ARFGEF3: variants seen among roughly 807,000 people sequenced by gnomAD.
ARFGEF3 encodes the protein brefeldin A-inhibited guanine nucleotide-exchange protein 3.
Under a neutral mutation model 221.7 loss-of-function variants are expected in ARFGEF3, and 96 were observed. That is an observed-to-expected ratio of 0.43 (90% CI 0.37 to 0.51). ARFGEF3 has a LOEUF of 0.51. ARFGEF3 is among the 20% of genes least tolerant of loss of function. The pLI is 0.00. For missense variants in ARFGEF3, 2,410 were observed against 2,789.9 expected, an observed-to-expected ratio of 0.86 and a Z score of 3.07; for synonymous variants, 1,145 against 1,126.8, an observed-to-expected ratio of 1.02 and a Z score of -0.32.
At position 138,334,444 on chromosome 6, in the gene ARFGEF3, C is replaced by T. The variant is rs141733973; in HGVS notation, c.5598C>T (p.Thr1866=). ...SSEDEDIFEE[T]AQVSPPRGKE... The stretch of plus-strand genomic sequence containing the variant: ...AGGATGAAGACATCTTTGAGGAAAC[C>T]GCCCAGGTCAGCCCCCCGAGAGGCA... Residue 1866 remains threonine, a synonymous_variant, in exon 33 of 34, where the codon ACC becomes ACT. Coordinates refer to ENST00000251691, the MANE Select transcript of ARFGEF3 (RefSeq NM_020340.5). The surrounding 1 kb of genome is among the most constrained non-coding windows in gnomAD (Gnocchi z 5.1). The T allele has an allele frequency of 3.0e-5, 49 of 1,610,996 alleles. No homozygotes were observed. The highest frequency in any genetic ancestry group is 1.7e-4 in the African/African-American group (13 of 74,886).
At chr6:138,188,312 C>T (rs532339345) in intron 2 of ARFGEF3, among the ~76,000 whole-genome samples, 6 of 152,140 alleles carry the variant, frequency 3.9e-5, no homozygotes, top group Non-Finnish European at 7.3e-5. Context: ...AGGTTCCCCC[C>T]CTCCGGTAAT....
chr6:138,200,536 C>T (rs146476086), intron 2 of ARFGEF3, among the ~76,000 whole-genome samples: 2 of 152,146 alleles, frequency 1.3e-5, no homozygotes, highest in African/African-American at 4.8e-5. Flanking sequence ...TTGCAGCCAA[C>T]TGATCTTCAA....
chr6:138,177,554 T>C (rs1425924493), intron 2 of ARFGEF3, among the ~76,000 whole-genome samples: 4 of 152,220 alleles, frequency 2.6e-5, no homozygotes, highest in Admixed American at 2.6e-4. Flanking sequence ...GAAATTTTCA[T>C]CAATTATTTC....
chr6:138,336,157 C>A, intron 33 of ARFGEF3, 138 bp from the exon 34 acceptor site: 1 of 556,694 alleles, frequency 1.8e-6, no homozygotes, highest in Non-Finnish European at 3.1e-6. Flanking sequence ...TTATTATAGG[C>A]ATATTAAATG....
chr6:138,203,545 A>G (rs564657370), intron 2 of ARFGEF3, among the ~76,000 whole-genome samples: 5 of 152,296 alleles, frequency 3.3e-5, no homozygotes, highest in African/African-American at 1.2e-4. Context: ...GAGGCACTCA[A>G]ATATTGAATG....
chr6:138,274,296 A>G (rs1779056257), intron 12 of ARFGEF3, among the ~76,000 whole-genome samples: 1 of 152,122 alleles, frequency 6.6e-6, no homozygotes, highest in Admixed American at 6.5e-5. Context: ...GTAGTTAAAC[A>G]CCCAATCCTG....
In ARFGEF3 at chr6:138,239,371, G is replaced by T. The variant is rs186148514; in HGVS notation, c.543+740G>T. The stretch of plus-strand genomic sequence containing the variant: ...AAATGGAAAATCTCAGTTACAGCTG[G>T]ACGTGGTGGCTCACACCTGTAATCT... On this transcript the variant is annotated intron_variant, in intron 6 of 33. Transcript: ENST00000251691. 4.3e-3 allele frequency among the ~76,000 whole-genome samples: 661 copies of T among 152,262 alleles called. 6 individuals are homozygous for T. The highest frequency in any genetic ancestry group is 8.0e-3 in the Non-Finnish European group (546 of 68,012).
chr6:138,261,126 G>A (rs1302156975), intron 10 of ARFGEF3, among the ~76,000 whole-genome samples: 1 of 152,124 alleles, frequency 6.6e-6, no homozygotes, highest in Admixed American at 6.6e-5. Flanking sequence ...ATAAGAAAGA[G>A]GGCATACTTC....
At chr6:138,303,364 T>C (rs1415347077) in intron 22 of ARFGEF3, among the ~76,000 whole-genome samples, 1 of 152,122 alleles carries the variant, frequency 6.6e-6, no homozygotes, top group Non-Finnish European at 1.5e-5. Context: ...GCAGAAAACA[T>C]ATAGCAAATG....
At chr6:138,201,015 A>G (rs758802389) in intron 2 of ARFGEF3, among the ~76,000 whole-genome samples, 16 of 152,230 alleles carry the variant, frequency 1.1e-4, no homozygotes, top group Non-Finnish European at 1.5e-4. Flanking sequence ...GGCTAAGGAC[A>G]TGAATAGACA....
intron 2 of ARFGEF3, among the ~76,000 whole-genome samples, chr6:138,174,196 G>C (rs574765193): frequency 1.3e-5 from 2 of 151,968 alleles, no homozygotes. Flanking sequence ...CACAATAGTG[G>C]GGAACTTCTC....
In ARFGEF3 at chr6:138,237,941, C is replaced by A. The variant is rs117349512; in HGVS notation, c.421-568C>A. Among the ~76,000 whole-genome samples the A allele has an allele frequency of 2.7e-3, 412 of 152,346 alleles. 1 individual carries two copies. Among genetic ancestry groups the A allele is most frequent in the Non-Finnish European group, 4.3e-3 (293 of 68,032 alleles). On this transcript the variant is annotated intron_variant, in intron 5 of 33. Transcript: ENST00000251691. ...ACCCACCAGGTATTTATAGTTGATTCACAGTTCTCCCAATTCAGATGTAGT... is the reference window on the plus strand; with the variant it reads ...ACCCACCAGGTATTTATAGTTGATTAACAGTTCTCCCAATTCAGATGTAGT...
chr6:138,321,547 C>T (rs1780027654), intron 29 of ARFGEF3, among the ~76,000 whole-genome samples: 1 of 152,096 alleles, frequency 6.6e-6, no homozygotes, highest in Non-Finnish European at 1.5e-5. Flanking sequence ...TCATCTCATC[C>T]CACCTAAAAT....
rs1285322228 is a variant in ARFGEF3 at position 138,291,630 on chromosome 6, C to T, written c.3048-103C>T. On this transcript the variant is annotated intron_variant, in intron 18 of 33. Coordinates refer to ENST00000251691, the MANE Select transcript of ARFGEF3 (RefSeq NM_020340.5). The surrounding 1 kb of genome is among the most constrained non-coding windows in gnomAD (Gnocchi z 4.5). ...CACAGGAAAGAGGAAAGCTGGGGAG[C>T]TTGCAGAGCTGGCTGCATTTCCTTT... The T allele has an allele frequency of 2.7e-6, 2 of 739,842 alleles. No homozygotes were observed. The highest frequency in any genetic ancestry group is 3.9e-6 in the Non-Finnish European group (2 of 519,458). The allele number at this position is 739,842 out of a possible 1,614,324, so 45.8% of individuals were successfully genotyped here.
At chr6:138,295,560 G>C (rs1418936402) in intron 20 of ARFGEF3, among the ~76,000 whole-genome samples, 1 of 150,884 alleles carries the variant, frequency 6.6e-6, no homozygotes, top group Non-Finnish European at 1.5e-5. Context: ...AACCCGGGAG[G>C]TGGAGGTTGC....
intron 4 of ARFGEF3, among the ~76,000 whole-genome samples, chr6:138,223,849 T>C (rs117479010): frequency 0.013 from 2,013 of 152,356 alleles, 31 homozygotes; most frequent in Middle Eastern, 0.058. Context: ...CATTTTCCCA[T>C]TCAGAATGTT....
chr6:138,320,192 A>C (rs1054059205), intron 28 of ARFGEF3, among the ~76,000 whole-genome samples: 2 of 152,188 alleles, frequency 1.3e-5, no homozygotes, highest in African/African-American at 2.4e-5. Context: ...AGTATATAAA[A>C]AAGAAAAAAA....
intron 12 of ARFGEF3, among the ~76,000 whole-genome samples, chr6:138,271,702 G>T (rs567718643): frequency 6.6e-6 from 1 of 152,306 alleles, no homozygotes; most frequent in African/African-American, 2.4e-5. Context: ...TAAGGGGAAT[G>T]AATATGTCAT....
rs911004209 is a variant in ARFGEF3, at chr6:138,341,843, T to C, written c.*5357T>C. 4 of 152,240 alleles carry C rather than the reference T, an allele frequency of 2.6e-5. No individual in the cohort carries two copies. Among genetic ancestry groups the C allele is most frequent in the East Asian group, 1.9e-4 (1 of 5,204 alleles). 9.4% of individuals were successfully genotyped at this position (152,240 alleles called of 1,614,324 possible). A position where few individuals can be genotyped will look rare whatever the true frequency, so the allele number is the denominator to read the frequency against. ...AGACCAAAAATATCTCCTGAGATCA[T>C]TGGTTTCTTTATAAATTGTGGTACC... On this transcript the variant is annotated 3_prime_UTR_variant, in exon 34 of 34. Transcript: ENST00000251691.
Sources: gnomAD v4.1 joint callset for allele counts (sites outside exome capture counted in the v4.1 genomes callset) on GRCh38, gnomAD v4.1.1 for gene constraint, Gnocchi (gnomAD v3.1) non-coding constraint, MANE v1.5 for transcripts, NCBI Gene and HGNC (gene_info 2026-07-23, HGNC 2026-07-21) for gene names.